SLC17A3: variants seen among roughly 807,000 people sequenced by gnomAD.
The protein encoded by SLC17A3 is solute carrier family 17 member 3.
In SLC17A3, 61 loss-of-function variants were observed where a neutral mutation model predicts 60.3. That is an observed-to-expected ratio of 1.01 (90% CI 0.82 to 1.25). SLC17A3 has a LOEUF of 1.25. SLC17A3 is among the 50% of genes most tolerant of loss of function. The pLI, the probability that SLC17A3 is intolerant of heterozygous loss-of-function variation, is 0.00. For missense variants in SLC17A3, 624 were observed against 594.9 expected (o/e 1.05, Z -0.51); for synonymous variants, 192 against 208.9 (o/e 0.92, Z 0.70).
rs1321837117 is a variant in SLC17A3, at chr6:25,845,436, A to C, written c.1443T>G (p.Phe481Leu). The change falls in exon 12 of 13, where the codon TTT becomes TTG. Residue 481 changes from phenylalanine to leucine, a missense_variant. Coordinates refer to ENST00000397060, the MANE Select transcript of SLC17A3 (RefSeq NM_001098486.2). ...CCCATTCTTGGACATCTGCTTCTCCAAATATGAGGTAGAAGAGTAGTCCTA... is the reference window on the plus strand; with the variant it reads ...CCCATTCTTGGACATCTGCTTCTCCCAATATGAGGTAGAAGAGTAGTCCTA... Reference protein sequence around the residue: ...NLLGLLFYLIFGEADVQEWAK... With the variant: ...NLLGLLFYLILGEADVQEWAK... 6.2e-7 allele frequency: 1 copy of C among 1,613,942 alleles called. No individual in the cohort carries two copies.
Position 25,862,017 on chromosome 6 carries a change from C to A in SLC17A3, c.316G>T (p.Asp106Tyr). The A allele has an allele frequency of 1.9e-6, 3 of 1,605,232 alleles. No individual in the cohort carries two copies. The South Asian group carries it at 3.4e-5, about 18-fold the overall frequency. ...KSLPAKAPVY[D>Y]WSPQIQGIIF... ...ATGCCTTGGATTTGAGGAGACCAGT[C>A]ATACACAGGAGCCTTAGAGAAACAG... The change falls in exon 4 of 13, where the codon GAC becomes TAC. Residue 106 changes from aspartate to tyrosine, a missense_variant. Transcript: ENST00000397060.
intron 5 of SLC17A3, among the ~76,000 whole-genome samples, chr6:25,856,779 G>A (rs1220231883): frequency 6.6e-6 from 1 of 151,532 alleles, no homozygotes. Flanking sequence ...CCCAGGAGGC[G>A]GAGGTTGCAG....
At position 25,868,428 on chromosome 6, in the gene SLC17A3, G is replaced by A; in HGVS notation, c.-33-8C>T. On this transcript the variant is annotated splice_polypyrimidine_tract_variant and splice_region_variant and intron_variant, in intron 1 of 12. Coordinates refer to ENST00000397060, the MANE Select transcript of SLC17A3 (RefSeq NM_001098486.2). ...CTAGTGAATGGTTTTCACCTATCAG[G>A]GAGATATGTAATTCACATGCATCAG... 6.7e-7 allele frequency: 1 copy of A among 1,500,124 alleles called. No homozygotes were observed. Among genetic ancestry groups the A allele is most frequent in the Non-Finnish European group, 9.3e-7 (1 of 1,077,386 alleles). The allele number at this position is 1,500,124 out of a possible 1,614,324, so 92.9% of individuals were successfully genotyped here. A position where few individuals can be genotyped will look rare whatever the true frequency, so the allele number is the denominator to read the frequency against.
At chr6:25,863,544 G>A (rs1286478354) in intron 2 of SLC17A3, among the ~76,000 whole-genome samples, 1 of 152,052 alleles carries the variant, frequency 6.6e-6, no homozygotes, top group Non-Finnish European at 1.5e-5. Flanking sequence ...CAATGAGATT[G>A]GGTAAATAAA....
At chr6:25,857,588 T>C (rs1051656620) in intron 5 of SLC17A3, among the ~76,000 whole-genome samples, 9 of 152,144 alleles carry the variant, frequency 5.9e-5, no homozygotes, top group Non-Finnish European at 1.3e-4. Flanking sequence ...AAGTCACTTA[T>C]TTACTTGTGT....
Position 25,849,777 on chromosome 6 carries a change from A to C in SLC17A3, c.1271+28T>G, listed in dbSNP as rs530082200. 1.3e-5 allele frequency: 21 copies of C among 1,609,494 alleles called. No individual in the cohort carries two copies. The South Asian group carries it at 2.0e-4, about 15-fold the overall frequency. The stretch of plus-strand genomic sequence containing the variant: ...AGCTAAATCTTTTAAAGAAAATGTG[A>C]AACTGATAGTGGAGATCAGAGTCCT... On this transcript the variant is annotated intron_variant, in intron 10 of 12. Transcript: ENST00000397060.
intron 11 of SLC17A3, among the ~76,000 whole-genome samples, chr6:25,846,860 T>A (rs1347921577): frequency 2.6e-5 from 4 of 152,162 alleles, no homozygotes; most frequent in Non-Finnish European, 4.4e-5. Flanking sequence ...ATTGCCTGCC[T>A]CGGCCTCCCA....
chr6:25,854,997 CTAAT>C (rs1765335634), intron 6 of SLC17A3, 143 bp downstream of exon 6: 5 of 661,116 alleles, frequency 7.6e-6, no homozygotes, highest in African/African-American at 1.8e-5. Context: ...ATGGCATTGA[CTAAT>C]TATTCCCTTA....
At chr6:25,861,313 T>G (rs959938922) in intron 5 of SLC17A3, among the ~76,000 whole-genome samples, 18 of 151,958 alleles carry the variant, frequency 1.2e-4, no homozygotes, top group Non-Finnish European at 2.6e-4. Flanking sequence ...AAAAAAAGCA[T>G]GGGTGGAGTT....
intron 5 of SLC17A3, among the ~76,000 whole-genome samples, chr6:25,857,050 A>G (rs1010367514): frequency 2.0e-5 from 3 of 151,746 alleles, no homozygotes; most frequent in African/African-American, 7.3e-5. Flanking sequence ...TTATCCAGAC[A>G]TGGTGGTGCC....
chr6:25,850,809 A>G lies in SLC17A3; in HGVS notation c.781T>C (p.Trp261Arg), dbSNP rs763979968. Reference protein sequence around the residue: ...VIYDDPVSYPWISTSEKEYII... With the variant: ...VIYDDPVSYPRISTSEKEYII... ...TATTCTTTTTCTGAGGTGCTTATCC[A>G]TGGATAGGAAACGGGGTCATCATAA... The change falls in exon 7 of 13, where the codon TGG (tryptophan) becomes CGG (arginine). Residue 261 changes from tryptophan (W) to arginine (R), a missense_variant. Trp to Arg is a moderately radical substitution (Grantham distance 101). Coordinates refer to ENST00000397060, the MANE Select transcript of SLC17A3 (RefSeq NM_001098486.2). 3 of 1,614,112 alleles carry G rather than the reference A, an allele frequency of 1.9e-6. No individual in the cohort carries two copies. Among genetic ancestry groups the G allele is most frequent in the South Asian group, 1.1e-5 (1 of 91,082 alleles).
chr6:25,856,446 C>T (rs978902186), intron 5 of SLC17A3, among the ~76,000 whole-genome samples: 2 of 152,164 alleles, frequency 1.3e-5, no homozygotes, highest in African/African-American at 4.8e-5. Context: ...GCTGTGTTGC[C>T]CAGGCTGGCC....
At chr6:25,872,392 C>T (rs1027839802) in intron 1 of SLC17A3, among the ~76,000 whole-genome samples, 2 of 148,368 alleles carry the variant, frequency 1.3e-5, no homozygotes, top group Non-Finnish European at 3.0e-5. Context: ...TTATGGACTT[C>T]TTGGGCTTAA....
In SLC17A3 at chr6:25,862,327, G is replaced by T. The variant is rs372711885; in HGVS notation, c.209C>A (p.Thr70Lys). ...NITMVAMVNS[T>K]SPQSQLNDSS... ...ATCATTGAGCTGGGATTGAGGGCTT[G>T]TGCTGTTGACCATGGCTACCATGGT... Residue 70 changes from threonine (T) to lysine (K), a missense_variant, in exon 3 of 13, where the codon ACA (threonine) becomes AAA (lysine). Physicochemically the swap from Thr to Lys is moderately conservative, Grantham distance 78. Coordinates refer to ENST00000397060, the MANE Select transcript of SLC17A3 (RefSeq NM_001098486.2). The T allele has an allele frequency of 4.3e-6, 7 of 1,613,732 alleles. No homozygotes were observed. Among genetic ancestry groups the T allele is most frequent in the African/African-American group, 1.3e-5 (1 of 74,896 alleles).
At chr6:25,869,376 C>T (rs1026959784) in intron 1 of SLC17A3, among the ~76,000 whole-genome samples, 5 of 151,928 alleles carry the variant, frequency 3.3e-5, no homozygotes, top group African/African-American at 1.2e-4. Context: ...ATTAAATCCT[C>T]TTAAACGTCT....
In SLC17A3 at chr6:25,861,811, G is replaced by A; in HGVS notation, c.522C>T (p.Val174=). 1 of 1,613,480 alleles carries A rather than the reference G, an allele frequency of 6.2e-7. No homozygotes were observed. Among genetic ancestry groups the A allele is most frequent in the Non-Finnish European group, 8.5e-7 (1 of 1,179,576 alleles). The part of the protein sequence containing the change: ...GIVLLIVTRI[V]QGLSQSSILG... ...TATTGGGTACCTGGCTTAGGCCCTGGACTATTCGAGTTACAATGAGCAAGA... is the reference window on the plus strand; with the variant it reads ...TATTGGGTACCTGGCTTAGGCCCTGAACTATTCGAGTTACAATGAGCAAGA... Residue 174 remains valine, a synonymous_variant, in exon 4 of 13, where the codon GTC becomes GTT. Coordinates refer to ENST00000397060, the MANE Select transcript of SLC17A3 (RefSeq NM_001098486.2).
At chr6:25,871,981 T>C (rs1374167529) in intron 1 of SLC17A3, among the ~76,000 whole-genome samples, 6 of 151,894 alleles carry the variant, frequency 4.0e-5, no homozygotes, top group African/African-American at 4.8e-5. Context: ...TAGTGCACAG[T>C]AGGGCAATGA....
chr6:25,871,917 A>G (rs1418744315), intron 1 of SLC17A3, among the ~76,000 whole-genome samples: 2 of 152,144 alleles, frequency 1.3e-5, no homozygotes, highest in South Asian at 4.1e-4. Context: ...AAATAGATAA[A>G]GGCATGGAAG....
chr6:25,856,662 A>C (rs1444449881), intron 5 of SLC17A3, among the ~76,000 whole-genome samples: 2 of 152,014 alleles, frequency 1.3e-5, no homozygotes, highest in Non-Finnish European at 2.9e-5. Flanking sequence ...CTTGGCCAAC[A>C]TGGTGAAATC....
Sources: allele counts gnomAD v4.1 joint callset (sites outside exome capture counted in the v4.1 genomes callset), GRCh38; gene constraint gnomAD v4.1.1; transcripts MANE v1.5; gene names NCBI Gene and HGNC (gene_info 2026-07-23, HGNC 2026-07-21).